Variants in OGDH observed in about 807,000 individuals in gnomAD.
OGDH encodes the protein 2-oxoglutarate dehydrogenase complex component E1.
A neutral mutation model predicts 116.6 loss-of-function variants in OGDH; 38 were observed. The observed-to-expected ratio is 0.33, with a 90% confidence interval of 0.25 to 0.43. OGDH has a LOEUF of 0.43. Among genes scored for constraint, OGDH ranks in the 20% least tolerant of loss-of-function variants. The probability of loss-of-function intolerance (pLI) is 1.00; values close to 1 mark genes in which losing one functional copy is unlikely to be tolerated. For missense variants in OGDH, 825 were observed against 1,357.2 expected (o/e 0.61, Z 6.16); for synonymous variants, 488 against 533.3 (o/e 0.92, Z 1.17).
chr7:44,649,245 GTTTTTTTTTT>G (rs373846462), intron 4 of OGDH, among the ~76,000 whole-genome samples: 2 of 97,724 alleles, frequency 2.0e-5, no homozygotes, highest in Non-Finnish European at 3.9e-5. Context: ...ATTTTCTGTT[GTTTTTTTTTT>G]TTTTTTTTTT....
chr7:44,611,930 T>A (rs193235703), intron 1 of OGDH, among the ~76,000 whole-genome samples: 2 of 152,260 alleles, frequency 1.3e-5, no homozygotes, highest in Non-Finnish European at 2.9e-5. Flanking sequence ...TGTTTTTTTT[T>A]ATTATTATGC....
intron 1 of OGDH, among the ~76,000 whole-genome samples, chr7:44,613,125 C>G (rs111449947): frequency 6.6e-6 from 1 of 151,770 alleles, no homozygotes. Context: ...ATCCACTTGC[C>G]TCTGCCTCCC....
chr7:44,676,858 G>A (rs2116185759), intron 9 of OGDH, among the ~76,000 whole-genome samples: 1 of 152,212 alleles, frequency 6.6e-6, no homozygotes, highest in Admixed American at 6.5e-5. Context: ...GTGTAGGTGA[G>A]CCTGAAGGAG....
At chr7:44,705,698 C>G (rs755811017) in intron 20 of OGDH, among the ~76,000 whole-genome samples, 1 of 152,072 alleles carries the variant, frequency 6.6e-6, no homozygotes, top group Non-Finnish European at 1.5e-5. Context: ...CCACTGTGCC[C>G]AGACTTTTAT....
rs188608277 is a variant in OGDH at position 44,676,426 on chromosome 7, G to T, written c.1206+277G>T. 853 of 545,054 alleles carry T rather than the reference G, an allele frequency of 1.6e-3. 3 individuals are homozygous for T. Among genetic ancestry groups the T allele is most frequent in the Non-Finnish European group, 2.1e-3 (713 of 332,638 alleles). 33.8% of individuals were successfully genotyped at this position (545,054 alleles called of 1,614,324 possible). Reference sequence around the variant, plus strand: ...CAAAATTAGCTGGGCGTGGTGGCGCGCGCCTGTAATCCCAGCTACTCAGGA... The same window carrying T: ...CAAAATTAGCTGGGCGTGGTGGCGCTCGCCTGTAATCCCAGCTACTCAGGA... On this transcript the variant is annotated intron_variant, in intron 9 of 22. Coordinates refer to ENST00000222673, the MANE Select transcript of OGDH (RefSeq NM_002541.4).
intron 3 of OGDH, 21 bp from the exon 4 acceptor site, chr7:44,647,636 C>G (rs764674625): frequency 2.7e-5 from 43 of 1,602,814 alleles, no homozygotes; most frequent in Non-Finnish European, 3.4e-5. Flanking sequence ...GTCCTTCCCT[C>G]TCATCGTTGG....
At chr7:44,700,076 C>G (rs1788759445) in intron 18 of OGDH, 65 bp from the exon 19 acceptor site, 1 of 1,559,782 alleles carries the variant, frequency 6.4e-7, no homozygotes, top group African/African-American at 1.4e-5. Context: ...ACCTGAGGGC[C>G]CCCACATGCC....
At chr7:44,654,953 T>C (rs567262881) in intron 4 of OGDH, among the ~76,000 whole-genome samples, 1 of 152,340 alleles carries the variant, frequency 6.6e-6, no homozygotes, top group East Asian at 1.9e-4. Context: ...TTTCTGTAAA[T>C]TGTGACAACC....
Position 44,697,899 on chromosome 7 carries a change from C to CCT in OGDH, c.2358+117_2358+118insCT. 1 of 1,222,686 alleles carries CCT rather than the reference C, an allele frequency of 8.2e-7. No homozygotes were observed. Among genetic ancestry groups the CCT allele is most frequent in the Non-Finnish European group, 1.1e-6 (1 of 895,106 alleles). The allele number at this position is 1,222,686 out of a possible 1,614,324, so 75.7% of individuals were successfully genotyped here. On this transcript the variant is annotated intron_variant, in intron 17 of 22. Transcript: ENST00000222673. The surrounding 1 kb of genome is among the most constrained non-coding windows in gnomAD (Gnocchi z 6.0). ...TCACACCAGCCTCCTAAGGACTCTG[C>CCT]TGGTGCTTCCCATCCATCTCAGATG... is the stretch of plus-strand genomic sequence containing the variant.
chr7:44,614,491 A>G (rs1478875981), intron 1 of OGDH, among the ~76,000 whole-genome samples: 1 of 152,010 alleles, frequency 6.6e-6, no homozygotes, highest in Non-Finnish European at 1.5e-5. Context: ...AGGGACTCCA[A>G]TGACATTAAT....
At chr7:44,705,518 C>G (rs1789032473) in intron 20 of OGDH, among the ~76,000 whole-genome samples, 1 of 152,038 alleles carries the variant, frequency 6.6e-6, no homozygotes, top group Non-Finnish European at 1.5e-5. Flanking sequence ...ATCTTTGACC[C>G]ACTTTGAGCT....
At chr7:44,674,217 A>G (rs1262142005) in intron 6 of OGDH, among the ~76,000 whole-genome samples, 194 bp from the exon 7 acceptor site, 1 of 152,040 alleles carries the variant, frequency 6.6e-6, no homozygotes, top group Non-Finnish European at 1.5e-5. Context: ...GCTAATTTTT[A>G]TATTTTTAGT....
Position 44,682,467 on chromosome 7 carries a change from G to A in OGDH, c.1335+619G>A, listed in dbSNP as rs1264477309. On this transcript the variant is annotated intron_variant, in intron 10 of 22. Transcript: ENST00000222673. ...AATCCCAGCACTTTGGGAGGCCAAG[G>A]TGGGCAGATCACTTGAGGCCAGGAG... is the stretch of plus-strand genomic sequence containing the variant. 2.0e-5 allele frequency among the ~76,000 whole-genome samples: 3 copies of A among 152,006 alleles called. No individual in the cohort carries two copies. The South Asian group carries it at 6.2e-4, about 32-fold the overall frequency.
At chr7:44,666,708 G>A in intron 4 of OGDH, 28 bp from the exon 5 acceptor site, 1 of 1,427,952 alleles carries the variant, frequency 7.0e-7, no homozygotes, top group Non-Finnish European at 9.7e-7. Flanking sequence ...CTCCTCATCT[G>A]GCTTGTCCTG....
chr7:44,633,266 A>C (rs1167310901), intron 2 of OGDH, among the ~76,000 whole-genome samples: 1 of 151,238 alleles, frequency 6.6e-6, no homozygotes, highest in South Asian at 2.1e-4. Context: ...AAAAAAAAAA[A>C]AAAAAAAACC....
intron 1 of OGDH, among the ~76,000 whole-genome samples, chr7:44,621,423 G>T (rs758676022): frequency 6.6e-6 from 1 of 152,076 alleles, no homozygotes; most frequent in Non-Finnish European, 1.5e-5. Context: ...GTGAAGAATG[G>T]GTATTTACCA....
intron 2 of OGDH, among the ~76,000 whole-genome samples, chr7:44,641,386 C>G (rs1469273505): frequency 6.6e-6 from 1 of 151,704 alleles, no homozygotes; most frequent in Non-Finnish European, 1.5e-5. Flanking sequence ...CCACCACACC[C>G]AGCTAATTTT....
chr7:44,624,203 C>G lies in OGDH; in HGVS notation c.-27-114C>G, dbSNP rs1334418010. ...GTTTTTGTTTTTGTTTTTCTAGTAG[C>G]TTTTAAAAAAAAATTATCCTTTCTC... On this transcript the variant is annotated intron_variant, in intron 1 of 22. Coordinates refer to ENST00000222673, the MANE Select transcript of OGDH (RefSeq NM_002541.4). 9.8e-6 allele frequency: 7 copies of G among 712,042 alleles called. No individual in the cohort carries two copies. In the African/African-American group the frequency reaches 1.3e-4, roughly 13 times the overall value. The allele number at this position is 712,042 out of a possible 1,614,324, so 44.1% of individuals were successfully genotyped here. A position where few individuals can be genotyped will look rare whatever the true frequency, so the allele number is the denominator to read the frequency against.
chr7:44,672,637 G>GTTTTTTTT (rs1175741464), intron 5 of OGDH, among the ~76,000 whole-genome samples: 1 of 135,850 alleles, frequency 7.4e-6, no homozygotes, highest in African/African-American at 3.0e-5. Context: ...ATTTCTTTTT[G>GTTTTTTTT]TTTTTTGTTT....
Sources: allele counts gnomAD v4.1 joint callset (sites outside exome capture counted in the v4.1 genomes callset), GRCh38; gene constraint gnomAD v4.1.1; non-coding constraint Gnocchi (gnomAD v3.1); transcripts MANE v1.5; gene names NCBI Gene and HGNC (gene_info 2026-07-23, HGNC 2026-07-21).